The following FBXO42 variants were observed in gnomAD, a reference collection of about 807,000 sequenced individuals.
FBXO42 encodes the protein F-box protein 42.
Under a neutral mutation model 71.7 loss-of-function variants are expected in FBXO42, and 12 were observed. The observed-to-expected ratio is 0.17, with a 90% CI of 0.11 to 0.27. The LOEUF (loss-of-function observed/expected upper bound fraction) is 0.27. Among genes scored for constraint, FBXO42 ranks in the 10% least tolerant of loss-of-function variants. The probability of loss-of-function intolerance (pLI) is 1.00; values close to 1 mark genes in which losing one functional copy is unlikely to be tolerated. For missense variants in FBXO42, 707 were observed against 911.9 expected (o/e 0.78, Z 2.89); for synonymous variants, 325 against 327.5 (o/e 0.99, Z 0.08).
At chr1:16,306,019 TTTC>T (rs2082246419) in intron 2 of FBXO42, 100 bp from the exon 3 acceptor site, 1 of 909,332 alleles carries the variant, frequency 1.1e-6, no homozygotes, top group Non-Finnish European at 1.7e-6. Flanking sequence ...TTTATACAAG[TTTC>T]TTTTTTTTTT....
intron 1 of FBXO42, among the ~76,000 whole-genome samples, chr1:16,328,632 T>C (rs907810672): frequency 3.3e-5 from 5 of 152,238 alleles, no homozygotes; most frequent in East Asian, 3.9e-4. Context: ...CACACACACA[T>C]ATATACATGT....
chr1:16,290,512 T>C (rs6701808), intron 4 of FBXO42, among the ~76,000 whole-genome samples: 3,917 of 151,938 alleles, frequency 0.026, 143 homozygotes, highest in African/African-American at 0.09. Context: ...GCCAACATGG[T>C]GAAACTCCGT....
intron 1 of FBXO42, among the ~76,000 whole-genome samples, chr1:16,349,732 G>A (rs918376700): frequency 2.4e-4 from 37 of 152,170 alleles, no homozygotes; most frequent in African/African-American, 8.4e-4. Flanking sequence ...CATGATGGCA[G>A]GCACCTGCAA....
intron 4 of FBXO42, among the ~76,000 whole-genome samples, chr1:16,270,603 C>G (rs6661807): frequency 0.088 from 11,937 of 135,848 alleles, 663 homozygotes; most frequent in Non-Finnish European, 0.13. Flanking sequence ...CTTTGTGAGG[C>G]TGAGGTGGGA....
In FBXO42 at chr1:16,321,507, C is replaced by T. The variant is rs143478766; in HGVS notation, c.-17-6072G>A. 4.6e-5 allele frequency among the ~76,000 whole-genome samples: 7 copies of T among 152,232 alleles called. No individual in the cohort carries two copies. In the East Asian group the frequency reaches 1.4e-3, roughly 29 times the overall value. The stretch of plus-strand genomic sequence containing the variant: ...ACTGTTTAAAAGAAGTCCTTCTCAC[C>T]CTTCACATTTGTGTTACACCTTCTC... On this transcript the variant is annotated intron_variant, in intron 1 of 9. Coordinates refer to ENST00000375592, the MANE Select transcript of FBXO42 (RefSeq NM_018994.3).
chr1:16,341,444 G>T (rs1358231630), intron 1 of FBXO42, among the ~76,000 whole-genome samples: 1 of 151,184 alleles, frequency 6.6e-6, no homozygotes, highest in Non-Finnish European at 1.5e-5. Context: ...TACTGAAAAT[G>T]CAAAAATTAT....
chr1:16,283,494 G>GTTTTTTTTTTTTTGT (rs2081987151), intron 4 of FBXO42, among the ~76,000 whole-genome samples: 1 of 80,988 alleles, frequency 1.2e-5, no homozygotes, highest in Admixed American at 1.5e-4. Context: ...ACTGTGGCAA[G>GTTTTTTTTTTTTTGT]TTTTTTTTTT....
chr1:16,301,305 T>C (rs2082191307), intron 3 of FBXO42, among the ~76,000 whole-genome samples: 1 of 152,178 alleles, frequency 6.6e-6, no homozygotes, highest in Non-Finnish European at 1.5e-5. Flanking sequence ...ACAAAAATTA[T>C]TAGGTATCAA....
rs147075222 is a variant in FBXO42, at chr1:16,252,289, C to T, written c.1037G>A (p.Arg346Gln). ...CTAGCCTGTCAGCTCCCTGCTTACC[C>T]GGCAAGCTGGATGGCACCACAGTTC... Reference protein sequence around the residue: ...APELWCHPACRVGQCVVVFSQ... With the variant: ...APELWCHPACQVGQCVVVFSQ... Residue 346 changes from arginine (R) to glutamine (Q), a missense_variant and splice_region_variant, in exon 9 of 10, where the codon CGG becomes CAG. Around this residue, in one of 5 missense-constraint regions of FBXO42, gnomAD observed 482 missense variants for 587.1 expected, o/e 0.82. Transcript: ENST00000375592. The surrounding 1 kb of genome is among the most constrained non-coding windows in gnomAD (Gnocchi z 4.4). 26 of 1,612,168 alleles carry T rather than the reference C, an allele frequency of 1.6e-5. No homozygotes were observed. Among genetic ancestry groups the T allele is most frequent in the East Asian group, 6.7e-5 (3 of 44,880 alleles).
chr1:16,256,886 G>A (rs1322781981), intron 4 of FBXO42, 127 bp from the exon 5 acceptor site: 1 of 861,274 alleles, frequency 1.2e-6, no homozygotes, highest in Non-Finnish European at 1.7e-6. Flanking sequence ...AAGTGTAGAG[G>A]AAAGGTGGAA....
chr1:16,321,838 A>G (rs944108308), intron 1 of FBXO42, among the ~76,000 whole-genome samples: 9 of 152,124 alleles, frequency 5.9e-5, no homozygotes, highest in Admixed American at 2.0e-4. Flanking sequence ...GAATACAGGT[A>G]TAAGTCACTG....
intron 1 of FBXO42, among the ~76,000 whole-genome samples, chr1:16,345,094 G>A (rs1033533296): frequency 4.6e-5 from 7 of 151,722 alleles, no homozygotes; most frequent in African/African-American, 1.2e-4. Flanking sequence ...GTGAGACTCC[G>A]TCTCAAAAAA....
intron 4 of FBXO42, among the ~76,000 whole-genome samples, chr1:16,270,119 G>GT (rs1325224278): frequency 6.6e-6 from 1 of 151,950 alleles, no homozygotes; most frequent in Non-Finnish European, 1.5e-5. Context: ...GCCTCCCAAG[G>GT]TGCTGGGATT....
chr1:16,285,806 G>A (rs940529384), intron 4 of FBXO42, among the ~76,000 whole-genome samples: 10 of 151,918 alleles, frequency 6.6e-5, no homozygotes, highest in Admixed American at 1.3e-4. Context: ...GCTCCTTTTC[G>A]AGTCCCCTGA....
At chr1:16,321,695 T>G (rs920167449) in intron 1 of FBXO42, among the ~76,000 whole-genome samples, 1 of 70,298 alleles carries the variant, frequency 1.4e-5, no homozygotes, top group Non-Finnish European at 3.5e-5. Context: ...TCGCAAGGGT[T>G]TTTTTTTTTT....
chr1:16,290,598 A>G (rs908647624), intron 4 of FBXO42, among the ~76,000 whole-genome samples: 1 of 152,138 alleles, frequency 6.6e-6, no homozygotes, highest in Non-Finnish European at 1.5e-5. Flanking sequence ...AGGCTGAGGC[A>G]GGAGAATTGC....
At chr1:16,341,104 T>C (rs1569948044) in intron 1 of FBXO42, among the ~76,000 whole-genome samples, 1 of 152,206 alleles carries the variant, frequency 6.6e-6, no homozygotes, top group Non-Finnish European at 1.5e-5. Context: ...CAAAATATAC[T>C]AGGTGAAAAG....
chr1:16,315,422 A>G lies in FBXO42; in HGVS notation c.-4T>C. ...CACTGTCCGAGGAGCTGGCCATGAC[A>G]TTCCACTCAACAGCTGTAATAGGTA... On this transcript the variant is annotated 5_prime_UTR_variant, in exon 2 of 10. An upstream start codon of the reference 5' UTR is lost. Coordinates refer to ENST00000375592, the MANE Select transcript of FBXO42 (RefSeq NM_018994.3). 1.2e-6 allele frequency: 2 copies of G among 1,613,416 alleles called. No individual in the cohort carries two copies. The highest frequency in any genetic ancestry group is 1.7e-6 in the Non-Finnish European group (2 of 1,179,706).
rs1165208068 is a variant in FBXO42, at chr1:16,267,618, T to C, written c.503-10859A>G. Among the ~76,000 whole-genome samples, 3 of 152,156 alleles carry C rather than the reference T, an allele frequency of 2.0e-5. No homozygotes were observed. In the East Asian group the frequency reaches 5.8e-4, roughly 29 times the overall value. On this transcript the variant is annotated intron_variant, in intron 4 of 9. Transcript: ENST00000375592. ...TTGGGTGGGGTTAAAGCCAAACATT[T>C]TTTTGGGTCTCCCCCTCTACCCACT... is the stretch of plus-strand genomic sequence containing the variant.
Sources: gnomAD v4.1 joint callset for allele counts (sites outside exome capture counted in the v4.1 genomes callset) on GRCh38, gnomAD v4.1.1 for gene constraint, gnomAD v4.1.1 regional missense constraint, Gnocchi (gnomAD v3.1) non-coding constraint, MANE v1.5 for transcripts, NCBI Gene and HGNC (gene_info 2026-07-23, HGNC 2026-07-21) for gene names.